MAP3K13: variants seen among roughly 807,000 people sequenced by gnomAD.
MAP3K13 encodes leucine zipper-bearing kinase.
Under a neutral mutation model 104.0 loss-of-function variants are expected in MAP3K13, and 52 were observed. That is an observed-to-expected ratio of 0.50 (90% CI 0.40 to 0.63). The LOEUF (loss-of-function observed/expected upper bound fraction) is 0.63, where lower values mean the gene tolerates loss of function less well. Among genes scored for constraint, MAP3K13 ranks in the 20% least tolerant of loss-of-function variants. The probability of loss-of-function intolerance (pLI) is 0.00; values close to 1 mark genes in which losing one functional copy is unlikely to be tolerated. For synonymous variants in MAP3K13, 394 were observed against 442.2 expected, an observed-to-expected ratio of 0.89 and a Z score of 1.37; for missense variants, 914 against 1,218.5, an observed-to-expected ratio of 0.75 and a Z score of 3.72.
intron 2 of MAP3K13, among the ~76,000 whole-genome samples, chr3:185,298,523 A>C (rs1339934665): frequency 1.3e-5 from 2 of 152,190 alleles, no homozygotes; most frequent in Non-Finnish European, 2.9e-5. Context: ...TATCCTAACT[A>C]ATTTAAAATA....
intron 2 of MAP3K13, among the ~76,000 whole-genome samples, chr3:185,338,555 T>G (rs1005598203): frequency 2.6e-5 from 4 of 152,218 alleles, no homozygotes; most frequent in African/African-American, 9.6e-5. Context: ...GCTGGTTCAC[T>G]GAATAAGGAA....
intron 2 of MAP3K13, among the ~76,000 whole-genome samples, chr3:185,351,090 T>A (rs1327855775): frequency 1.3e-5 from 2 of 152,208 alleles, no homozygotes; most frequent in African/African-American, 4.8e-5. Flanking sequence ...GCCATTATCC[T>A]ATGTGAACTA....
At chr3:185,480,158 A>G in intron 12 of MAP3K13, 74 bp from the exon 13 acceptor site, 1 of 1,384,308 alleles carries the variant, frequency 7.2e-7, no homozygotes, top group Non-Finnish European at 1.0e-6. Flanking sequence ...CTCTACCACT[A>G]CTATGAGTGA....
intron 2 of MAP3K13, among the ~76,000 whole-genome samples, chr3:185,309,275 TG>T (rs1449127658): frequency 4.6e-5 from 7 of 151,862 alleles, no homozygotes; most frequent in African/African-American, 1.4e-4. Context: ...GGCCACAAGG[TG>T]GTGGGTGGAT....
At chr3:185,398,492 T>C (rs1359360585) in intron 1 of MAP3K13, among the ~76,000 whole-genome samples, 1 of 152,214 alleles carries the variant, frequency 6.6e-6, no homozygotes, top group Non-Finnish European at 1.5e-5. Context: ...TAGAACTAAT[T>C]GCGTTTGTGG....
At chr3:185,344,252 A>G (rs566587396) in intron 2 of MAP3K13, among the ~76,000 whole-genome samples, 1 of 152,284 alleles carries the variant, frequency 6.6e-6, no homozygotes, top group Non-Finnish European at 1.5e-5. Context: ...TGTTTTTTCA[A>G]GAAGTTTGGT....
At position 185,442,947 on chromosome 3, in the gene MAP3K13, C is replaced by A. The variant is rs369018415; in HGVS notation, c.660-498C>A. On this transcript the variant is annotated intron_variant, in intron 3 of 13. Transcript: ENST00000265026. ...CTCCACCTCCCGGGTTCAAGCAGTT[C>A]TCTGCCTCAGTCTCCTGAGTAGCTG... 9.8e-4 allele frequency among the ~76,000 whole-genome samples: 149 copies of A among 152,186 alleles called. 2 individuals carry two copies. The East Asian group carries it at 0.022, about 22-fold the overall frequency.
intron 1 of MAP3K13, among the ~76,000 whole-genome samples, chr3:185,381,472 C>G (rs1457126317): frequency 6.6e-6 from 1 of 152,192 alleles, no homozygotes; most frequent in Admixed American, 6.5e-5. Context: ...CAGACATGCA[C>G]ACAACAGCAA....
At position 185,449,889 on chromosome 3, in the gene MAP3K13, C is replaced by T. The variant is rs372377252; in HGVS notation, c.1011-11C>T. The T allele has an allele frequency of 4.2e-5, 66 of 1,589,310 alleles. No homozygotes were observed. Among genetic ancestry groups the T allele is most frequent in the Middle Eastern group, 1.7e-4 (1 of 5,978 alleles). ...AAACATCTTCTGTCCATGTTCCCGG[C>T]GCTACTGTAGGTCTTTTGGAGTGGT... On this transcript the variant is annotated splice_polypyrimidine_tract_variant and intron_variant, in intron 5 of 13. Transcript: ENST00000265026.
At chr3:185,480,797 G>A (rs1718402730) in intron 13 of MAP3K13, among the ~76,000 whole-genome samples, 1 of 152,210 alleles carries the variant, frequency 6.6e-6, no homozygotes, top group African/African-American at 2.4e-5. Flanking sequence ...TGATGAGGAA[G>A]CAAGCATGTC....
chr3:185,293,538 C>T (rs1441203169), intron 2 of MAP3K13, among the ~76,000 whole-genome samples: 1 of 152,104 alleles, frequency 6.6e-6, no homozygotes, highest in East Asian at 1.9e-4. Context: ...GTCCTCTCAC[C>T]TCAGCCTCCC....
At chr3:185,391,201 C>T (rs1311876179) in intron 1 of MAP3K13, among the ~76,000 whole-genome samples, 1 of 152,180 alleles carries the variant, frequency 6.6e-6, no homozygotes, top group African/African-American at 2.4e-5. Context: ...AACTGATACT[C>T]CGTACCCATT....
At chr3:185,404,337 G>A (rs895118320) in intron 1 of MAP3K13, among the ~76,000 whole-genome samples, 2 of 152,216 alleles carry the variant, frequency 1.3e-5, no homozygotes, top group Non-Finnish European at 2.9e-5. Context: ...ATTTCTCTAA[G>A]AGGAACTCTT....
intron 2 of MAP3K13, among the ~76,000 whole-genome samples, chr3:185,307,541 A>ACCGC: frequency 1.4e-5 from 1 of 71,106 alleles, no homozygotes; most frequent in South Asian, 6.1e-4. Flanking sequence ...TTGGTGCACC[A>ACCGC]CCCCCTCCCC....
intron 1 of MAP3K13, among the ~76,000 whole-genome samples, chr3:185,422,772 G>C (rs1714206459): frequency 1.3e-5 from 2 of 152,206 alleles, no homozygotes; most frequent in Admixed American, 1.3e-4. Context: ...TGTATAGCAG[G>C]GGTTCCCAAC....
intron 2 of MAP3K13, among the ~76,000 whole-genome samples, chr3:185,330,046 A>ATTTTTTTTTTTTTT (rs548813356): frequency 7.1e-5 from 7 of 98,278 alleles, no homozygotes; most frequent in East Asian, 6.2e-4. Flanking sequence ...TGCCTGGCTA[A>ATTTTTTTTTTTTTT]TTTTTTTTTT....
rs1718610964 is a variant in MAP3K13, at chr3:185,484,060, A to G, written c.*1604A>G. On this transcript the variant is annotated 3_prime_UTR_variant, in exon 14 of 14. Transcript: ENST00000265026. Reference sequence around the variant, plus strand: ...GCTACCACTGTCAGAATAAAAGCAAAAACAAGCAGCTTGCAAAAGGCAACT... The same window carrying G: ...GCTACCACTGTCAGAATAAAAGCAAGAACAAGCAGCTTGCAAAAGGCAACT... 1 of 152,154 alleles carries G rather than the reference A, an allele frequency of 6.6e-6. No homozygotes were observed. 9.4% of individuals were successfully genotyped at this position (152,154 alleles called of 1,614,324 possible). A position where few individuals can be genotyped will look rare whatever the true frequency, so the allele number is the denominator to read the frequency against.
chr3:185,287,801 C>T (rs892410371), intron 2 of MAP3K13, among the ~76,000 whole-genome samples: 9 of 151,920 alleles, frequency 5.9e-5, no homozygotes, highest in African/African-American at 1.9e-4. Context: ...TTTGGGAGGC[C>T]GAGGCAGGCA....
rs1718683550 is a variant in MAP3K13 at position 185,485,714 on chromosome 3, A to T, written c.*3258A>T. ...TTACAAATTAAATTTTATCATAGAT[A>T]TGTAAGTATAGAAAAAAAAACATAG... On this transcript the variant is annotated 3_prime_UTR_variant, in exon 14 of 14. Coordinates refer to ENST00000265026, the MANE Select transcript of MAP3K13 (RefSeq NM_004721.5). 1 of 152,096 alleles carries T rather than the reference A, an allele frequency of 6.6e-6. No individual in the cohort carries two copies. Among genetic ancestry groups the T allele is most frequent in the Non-Finnish European group, 1.5e-5 (1 of 68,022 alleles). 9.4% of individuals were successfully genotyped at this position (152,096 alleles called of 1,614,324 possible).
Sources: allele counts gnomAD v4.1 joint callset (sites outside exome capture counted in the v4.1 genomes callset), GRCh38; gene constraint gnomAD v4.1.1; transcripts MANE v1.5; gene names NCBI Gene and HGNC (gene_info 2026-07-23, HGNC 2026-07-21).